The following MROH1 variants were observed in gnomAD, a reference collection of about 807,000 sequenced individuals.
MROH1 encodes the protein maestro heat-like repeat-containing protein family member 1.
In MROH1, 117 loss-of-function variants were observed where a neutral mutation model predicts 116.5. That is an observed-to-expected ratio of 1.00 (90% CI 0.86 to 1.17). The LOEUF (loss-of-function observed/expected upper bound fraction) is 1.17. Among genes scored for constraint, MROH1 ranks in the 50% most tolerant of loss-of-function variants. The pLI is 0.00. For synonymous variants in MROH1, 921 were observed against 583.9 expected (o/e 1.58, Z -8.32); for missense variants, 1,873 against 1,338.5 (o/e 1.40, Z -6.23).
At chr8:144,240,298 A>G in intron 19 of MROH1, 145 bp downstream of exon 19, 1 of 632,816 alleles carries the variant, frequency 1.6e-6, no homozygotes, top group South Asian at 1.9e-5. Context: ...TCAAGGCTGA[A>G]GACCCCAGCA....
In MROH1 at chr8:144,246,992, TGCCTGCACAC is replaced by T. The variant is rs1842028049; in HGVS notation, c.2872-302_2872-293del. Reference sequence around the variant, plus strand: ...CCCCTCCTCACCCCAGTTGTCCGTCTGCCTGCACACGCCTGCGTGCCCACGTCGGCATGGC... The same window carrying T: ...CCCCTCCTCACCCCAGTTGTCCGTCTGCCTGCGTGCCCACGTCGGCATGGC... On this transcript the variant is annotated intron_variant, in intron 29 of 43. Coordinates refer to ENST00000326134, the MANE Select transcript of MROH1 (RefSeq NM_032450.3). Among the ~76,000 whole-genome samples, 4 of 152,256 alleles carry T rather than the reference TGCCTGCACAC, an allele frequency of 2.6e-5. No individual in the cohort carries two copies. The South Asian group carries it at 8.3e-4, about 31-fold the overall frequency.
At chr8:144,246,706 T>G (rs888743852) in intron 29 of MROH1, among the ~76,000 whole-genome samples, 142 of 151,822 alleles carry the variant, frequency 9.4e-4, no homozygotes, top group African/African-American at 3.3e-3. Flanking sequence ...AAGGGTAGGG[T>G]GGGAGCACCT....
Position 144,243,959 on chromosome 8 carries a change from CTGCACAGGCCCG to C in MROH1, c.2555+22_2555+33del. Reference sequence around the variant, plus strand: ...TTACTTGGTGTATCCTTTCCTGCCTCTGCACAGGCCCGTGCAGCTGCGTGTGTGCGTGCATGT... The same window carrying C: ...TTACTTGGTGTATCCTTTCCTGCCTCTGCAGCTGCGTGTGTGCGTGCATGT... On this transcript the variant is annotated intron_variant, in intron 26 of 43. Transcript: ENST00000326134. 2 of 779,224 alleles carry C rather than the reference CTGCACAGGCCCG, an allele frequency of 2.6e-6. No homozygotes were observed. The highest frequency in any genetic ancestry group is 4.8e-6 in the Non-Finnish European group (2 of 417,252). 48.3% of individuals were successfully genotyped at this position (779,224 alleles called of 1,614,324 possible). A position where few individuals can be genotyped will look rare whatever the true frequency, so the allele number is the denominator to read the frequency against.
intron 29 of MROH1, among the ~76,000 whole-genome samples, chr8:144,246,791 G>C (rs1841994470): frequency 6.6e-6 from 1 of 152,232 alleles, no homozygotes; most frequent in African/African-American, 2.4e-5. Context: ...CTGCCAGGGA[G>C]GAGGTGTGGA....
chr8:144,148,639 C>G (rs1365536110), intron 1 of MROH1: 10 of 152,718 alleles, frequency 6.5e-5, no homozygotes, highest in African/African-American at 2.4e-4. Flanking sequence ...TCCCTAGTCA[C>G]GAGGATGACT....
chr8:144,241,797 C>G (rs1179292230), intron 22 of MROH1, among the ~76,000 whole-genome samples: 1 of 152,164 alleles, frequency 6.6e-6, no homozygotes, highest in Non-Finnish European at 1.5e-5. Context: ...GCCTCTGCCC[C>G]CTGGTGGCTG....
At chr8:144,233,206 C>A (rs115720381) in intron 14 of MROH1, among the ~76,000 whole-genome samples, 1 of 151,936 alleles carries the variant, frequency 6.6e-6, no homozygotes, top group African/African-American at 2.4e-5. Context: ...ATTTTAAGTG[C>A]ACACTTCAGC....
chr8:144,179,429 C>G (rs1431553395), intron 4 of MROH1, 26 bp from the exon 5 acceptor site: 19 of 1,609,664 alleles, frequency 1.2e-5, no homozygotes, highest in Middle Eastern at 1.7e-4. Flanking sequence ...TCACCTGGGA[C>G]CGACCTGGAC....
intron 3 of MROH1, among the ~76,000 whole-genome samples, chr8:144,165,204 A>G (rs940747853): frequency 5.4e-5 from 8 of 148,126 alleles, no homozygotes; most frequent in Admixed American, 4.8e-4. Flanking sequence ...TGCAACCTCC[A>G]CCTCCTGGAT....
intron 36 of MROH1, 78 bp from the exon 37 acceptor site, chr8:144,259,162 G>A (rs1844490210): frequency 7.1e-6 from 5 of 702,944 alleles, no homozygotes; most frequent in Non-Finnish European, 1.3e-5. Flanking sequence ...GCGGACCAGG[G>A]CTGTGCAGGG....
chr8:144,254,573 T>G, intron 33 of MROH1: 1 of 525,188 alleles, frequency 1.9e-6, no homozygotes, highest in Non-Finnish European at 3.4e-6. Flanking sequence ...CTGGGCCCTG[T>G]GTGTATAGGC....
intron 32 of MROH1, among the ~76,000 whole-genome samples, 167 bp from the exon 33 acceptor site, chr8:144,250,045 G>A (rs1842597712): frequency 6.6e-6 from 1 of 152,236 alleles, no homozygotes; most frequent in East Asian, 1.9e-4. Context: ...CTTCTGGGCT[G>A]TCCGTGGCCC....
intron 14 of MROH1, among the ~76,000 whole-genome samples, chr8:144,234,834 T>C (rs2132729102): frequency 6.6e-6 from 1 of 151,512 alleles, no homozygotes; most frequent in Non-Finnish European, 1.5e-5. Flanking sequence ...ATTTTCTTAA[T>C]TTCATTTTCA....
At chr8:144,174,239 C>G (rs565941896) in intron 4 of MROH1, among the ~76,000 whole-genome samples, 1 of 152,258 alleles carries the variant, frequency 6.6e-6, no homozygotes, top group South Asian at 2.1e-4. Context: ...GACAGGAAGA[C>G]AGGCTCTCAA....
chr8:144,233,381 C>T (rs1839328290), intron 14 of MROH1, among the ~76,000 whole-genome samples: 13 of 141,462 alleles, frequency 9.2e-5, no homozygotes, highest in South Asian at 2.4e-4. Flanking sequence ...GCAGCTCCTG[C>T]ACCCACCATC....
At chr8:144,197,173 C>T (rs114283155) in intron 10 of MROH1, among the ~76,000 whole-genome samples, 4,649 of 152,230 alleles carry the variant, frequency 0.031, 247 homozygotes, top group African/African-American at 0.11. Flanking sequence ...GGGGTCGCTC[C>T]AACTCAGGGT....
At chr8:144,195,215 A>AAAAAAAAAAAAAAAC (rs1829565684) in intron 10 of MROH1, among the ~76,000 whole-genome samples, 1 of 139,166 alleles carries the variant, frequency 7.2e-6, no homozygotes. Flanking sequence ...AAAAAAAAAA[A>AAAAAAAAAAAAAAAC]AAAAGGCCGA....
chr8:144,181,460 G>A (rs1825706973), intron 7 of MROH1, among the ~76,000 whole-genome samples: 1 of 152,140 alleles, frequency 6.6e-6, no homozygotes, highest in South Asian at 2.1e-4. Flanking sequence ...TGGTGACTTT[G>A]GGTTCAGATC....
Position 144,260,049 on chromosome 8 carries a change from C to A in MROH1, c.4183C>A (p.Pro1395Thr), listed in dbSNP as rs1554834910. 1 of 725,912 alleles carries A rather than the reference C, an allele frequency of 1.4e-6. No individual in the cohort carries two copies. The highest frequency in any genetic ancestry group is 1.9e-5 in the Admixed American group (1 of 52,660). 45.0% of individuals were successfully genotyped at this position (725,912 alleles called of 1,614,324 possible). A position where few individuals can be genotyped will look rare whatever the true frequency, so the allele number is the denominator to read the frequency against. ...RGLANLASGC[P>T]DKVRTHGPQL... ...CCTGGCCAACCTGGCCTCCGGCTGC[C>A]CTGACAAGGTGGGGTGGCCACCAGC... is the stretch of plus-strand genomic sequence containing the variant. Residue 1395 changes from proline (P) to threonine (T), a missense_variant, in exon 38 of 44, where the codon CCT (proline) becomes ACT (threonine). Transcript: ENST00000326134.
Sources: gnomAD v4.1 joint callset for allele counts (sites outside exome capture counted in the v4.1 genomes callset) on GRCh38, gnomAD v4.1.1 for gene constraint, MANE v1.5 for transcripts, NCBI Gene and HGNC (gene_info 2026-07-23, HGNC 2026-07-21) for gene names.